DDB2: variants seen among roughly 807,000 people sequenced by gnomAD.
The protein encoded by DDB2 is damage specific DNA binding protein 2.
In DDB2, 27 loss-of-function variants were observed where a neutral mutation model predicts 50.5. The ratio of observed to expected loss-of-function variants is 0.53; its 90% CI spans 0.39 to 0.74. The LOEUF is 0.74. Ranked by LOEUF, DDB2 falls within the 30% of genes least tolerant of loss-of-function variation. DDB2 has a pLI of 0.00. For synonymous variants in DDB2, 176 were observed against 205.5 expected (o/e 0.86, Z 1.23); for missense variants, 424 against 545.6 (o/e 0.78, Z 2.22).
In DDB2 at chr11:47,215,281, T is replaced by G. The variant is rs1303673957; in HGVS notation, c.127+18T>G. The G allele has an allele frequency of 6.2e-7, 1 of 1,613,628 alleles. No individual in the cohort carries two copies. The highest frequency in any genetic ancestry group is 2.2e-5 in the East Asian group (1 of 44,854). On this transcript the variant is annotated intron_variant, in intron 1 of 9. Coordinates refer to ENST00000256996, the MANE Select transcript of DDB2 (RefSeq NM_000107.3). ...GGGCTCCGGTACTGCCTGTGCCTGC[T>G]GCTTGAATATTTCCGCCTTTTAGGG...
intron 3 of DDB2, among the ~76,000 whole-genome samples, chr11:47,230,462 A>G (rs1177513179): frequency 1.3e-5 from 2 of 152,230 alleles, no homozygotes; most frequent in Non-Finnish European, 2.9e-5. Context: ...TCATCAATTT[A>G]CATGCTTAAT....
Position 47,238,928 on chromosome 11 carries a change from A to G in DDB2, c.*79A>G, listed in dbSNP as rs1953793960. 11 of 1,519,302 alleles carry G rather than the reference A, an allele frequency of 7.2e-6. No individual in the cohort carries two copies. Among genetic ancestry groups the G allele is most frequent in the Non-Finnish European group, 1.0e-5 (11 of 1,103,176 alleles). The allele number at this position is 1,519,302 out of a possible 1,614,324, so 94.1% of individuals were successfully genotyped here. ...TCAAGTCCTGCAAGCAGAGGTGGCG[A>G]TTTGTTAAAGGGCCAAAAGTATCCA... is the stretch of plus-strand genomic sequence containing the variant. On this transcript the variant is annotated 3_prime_UTR_variant, in exon 10 of 10. Transcript: ENST00000256996.
At chr11:47,229,818 C>CTTT (rs11376360) in intron 3 of DDB2, 4,275 of 328,332 alleles carry the variant, frequency 0.013, 3 homozygotes, top group South Asian at 0.019. Flanking sequence ...GATGGCTCTT[C>CTTT]TTTTTTTTTT....
chr11:47,237,524 G>A lies in DDB2; in HGVS notation c.1024-313G>A, dbSNP rs1268610919. On this transcript the variant is annotated intron_variant, in intron 7 of 9. Coordinates refer to ENST00000256996, the MANE Select transcript of DDB2 (RefSeq NM_000107.3). ...TCACTCACTGCAACCTCCGCCTCCC[G>A]GGTTCAAGTGATTCCCCTGCCTCAG... 3.0e-5 allele frequency: 11 copies of A among 363,524 alleles called. 1 individual carries two copies. The highest frequency in any genetic ancestry group is 8.8e-5 in the South Asian group (4 of 45,236). The allele number at this position is 363,524 out of a possible 1,614,324, so 22.5% of individuals were successfully genotyped here. A position where few individuals can be genotyped will look rare whatever the true frequency, so the allele number is the denominator to read the frequency against.
At chr11:47,234,262 TG>T (rs4647748) in intron 4 of DDB2, among the ~76,000 whole-genome samples, 4,545 of 152,046 alleles carry the variant, frequency 0.03, 127 homozygotes, top group South Asian at 0.12. Context: ...ACCCGGGGTG[TG>T]GGGGGCAGGC....
chr11:47,234,320 A>T (rs1173234882), intron 4 of DDB2, among the ~76,000 whole-genome samples: 1 of 151,944 alleles, frequency 6.6e-6, no homozygotes, highest in Non-Finnish European at 1.5e-5. Context: ...TGCTTCAGGG[A>T]CTTTTAGGAG....
chr11:47,237,666 A>G (rs1591003685), intron 7 of DDB2, 171 bp from the exon 8 acceptor site: 1 of 667,292 alleles, frequency 1.5e-6, no homozygotes, highest in Non-Finnish European at 2.7e-6. Flanking sequence ...CGATCTCCTG[A>G]CCTCGTGATC....
chr11:47,237,646 A>G, intron 7 of DDB2, 191 bp from the exon 8 acceptor site: 1 of 602,194 alleles, frequency 1.7e-6, no homozygotes, highest in South Asian at 1.7e-5. Context: ...CATGTTAGCC[A>G]GGATGGTCTC....
At position 47,234,586 on chromosome 11, in the gene DDB2, A is replaced by T; in HGVS notation, c.616A>T (p.Ser206Cys). ...CTCTCCCTCCAGCATCTGGTTTTGTAGCCTGGATGTGTCTGCTAGTAGCCG... is the reference window on the plus strand; with the variant it reads ...CTCTCCCTCCAGCATCTGGTTTTGTTGCCTGGATGTGTCTGCTAGTAGCCG... ...SSDTINIWFC[S>C]LDVSASSRMV... is the part of the protein sequence containing the mutation. The change falls in exon 5 of 10, where the codon AGC (serine) becomes TGC (cysteine). Residue 206 changes from serine to cysteine, a missense_variant. Ser to Cys is a moderately radical substitution (Grantham distance 112). Transcript: ENST00000256996. 1 of 1,614,014 alleles carries T rather than the reference A, an allele frequency of 6.2e-7. No individual in the cohort carries two copies. Among genetic ancestry groups the T allele is most frequent in the East Asian group, 2.2e-5 (1 of 44,872 alleles).
intron 3 of DDB2, among the ~76,000 whole-genome samples, chr11:47,226,932 G>A (rs373513949): frequency 3.3e-5 from 5 of 150,366 alleles, no homozygotes; most frequent in Admixed American, 6.6e-5. Context: ...TGTTTTTTTC[G>A]CTGTCTCTTA....
chr11:47,229,835 TCTTC>T, intron 3 of DDB2: 1 of 414,494 alleles, frequency 2.4e-6, no homozygotes, highest in African/African-American at 2.2e-5. Flanking sequence ...TTTTTTTTTT[TCTTC>T]TTCCTAATAG....
intron 3 of DDB2, among the ~76,000 whole-genome samples, chr11:47,218,288 G>A (rs569983263): frequency 6.6e-6 from 1 of 152,274 alleles, no homozygotes; most frequent in Admixed American, 6.5e-5. Context: ...CCTATTCCCA[G>A]TGCCTGGAAC....
chr11:47,237,176 A>G (rs1284535505), intron 7 of DDB2, among the ~76,000 whole-genome samples: 1 of 152,190 alleles, frequency 6.6e-6, no homozygotes, highest in African/African-American at 2.4e-5. Context: ...GGGTTTGGTC[A>G]CCAGAGGCTT....
At chr11:47,224,014 T>C (rs1446587138) in intron 3 of DDB2, among the ~76,000 whole-genome samples, 2 of 151,288 alleles carry the variant, frequency 1.3e-5, no homozygotes, top group African/African-American at 4.9e-5. Context: ...GGTGGGAGAA[T>C]TGCTTAAGCC....
At chr11:47,218,421 A>G (rs1953432044) in intron 3 of DDB2, among the ~76,000 whole-genome samples, 2 of 152,330 alleles carry the variant, frequency 1.3e-5, no homozygotes, top group Non-Finnish European at 2.9e-5. Flanking sequence ...GTGCTACAGA[A>G]TGTGAAAGAA....
At position 47,238,991 on chromosome 11, in the gene DDB2, A is replaced by G. The variant is rs923041619; in HGVS notation, c.*142A>G. 5.1e-6 allele frequency: 4 copies of G among 791,698 alleles called. No homozygotes were observed. Among genetic ancestry groups the G allele is most frequent in the Non-Finnish European group, 8.3e-6 (4 of 482,972 alleles). 49.0% of individuals were successfully genotyped at this position (791,698 alleles called of 1,614,324 possible). A position where few individuals can be genotyped will look rare whatever the true frequency, so the allele number is the denominator to read the frequency against. ...GAGCAGGGGTGCTGGGACCTGGGGC[A>G]CTGTGGGACTGGGACACTTTTATGT... On this transcript the variant is annotated 3_prime_UTR_variant, in exon 10 of 10. Transcript: ENST00000256996.
upstream of DDB2, chr11:47,214,675 G>A (rs937046105): frequency 6.1e-5 from 15 of 247,184 alleles, no homozygotes; most frequent in Non-Finnish European, 1.1e-4. Flanking sequence ...GGAGGCTGAG[G>A]TGGGAGGATC....
chr11:47,238,848 G>A lies in DDB2; in HGVS notation c.1283G>A (p.Ter428=). ...WSQEEARTRK[*] ...CAGGAGGAAGCCAGGACACGGAAGT[G>A]AGAGACACTAAAGAAGGTGTGGGCC... is the stretch of plus-strand genomic sequence containing the variant. The change falls in exon 10 of 10, where the codon TGA becomes TAA. Residue 428 remains the stop codon, a stop_retained_variant. Transcript: ENST00000256996. 6.2e-7 allele frequency: 1 copy of A among 1,613,532 alleles called. No homozygotes were observed. Among genetic ancestry groups the A allele is most frequent in the South Asian group, 1.1e-5 (1 of 91,056 alleles).
At chr11:47,237,342 A>G (rs1274054835) in intron 7 of DDB2, among the ~76,000 whole-genome samples, 1 of 152,156 alleles carries the variant, frequency 6.6e-6, no homozygotes, top group Non-Finnish European at 1.5e-5. Flanking sequence ...AAAATGTGCA[A>G]TGGCAGAGGC....
Sources: gnomAD v4.1 joint callset for allele counts (sites outside exome capture counted in the v4.1 genomes callset) on GRCh38, gnomAD v4.1.1 for gene constraint, MANE v1.5 for transcripts, NCBI Gene and HGNC (gene_info 2026-07-23, HGNC 2026-07-21) for gene names.